POLR1A: variants seen among roughly 807,000 people sequenced by gnomAD.
POLR1A encodes the protein RNA polymerase I subunit A.
In POLR1A, 84 loss-of-function variants were observed where a neutral mutation model predicts 205.3. The ratio of observed to expected loss-of-function variants is 0.41; its 90% CI spans 0.34 to 0.49. The LOEUF (loss-of-function observed/expected upper bound fraction) is 0.49, where lower values mean the gene tolerates loss of function less well. Among genes scored for constraint, POLR1A ranks in the 20% least tolerant of loss-of-function variants. POLR1A has a pLI of 0.22. For missense variants in POLR1A, 1,645 were observed against 2,204.5 expected (o/e 0.75, Z 5.08); for synonymous variants, 799 against 863.7 (o/e 0.93, Z 1.31).
chr2:86,055,072 G>A (rs893814769), intron 14 of POLR1A, among the ~76,000 whole-genome samples: 3 of 152,170 alleles, frequency 2.0e-5, no homozygotes, highest in African/African-American at 7.2e-5. Context: ...TGAGACGGGT[G>A]GATCATGAGG....
chr2:86,039,379 A>T lies in POLR1A; in HGVS notation c.3824T>A (p.Leu1275Gln), dbSNP rs781408970. 4.3e-6 allele frequency: 7 copies of T among 1,613,854 alleles called. No homozygotes were observed. Among genetic ancestry groups the T allele is most frequent in the Non-Finnish European group, 5.9e-6 (7 of 1,179,984 alleles). ...SVPVLNTKKA[L>Q]KRVKSLKKQL... The stretch of plus-strand genomic sequence containing the variant: ...CTTCTTCAGGCTTTTCACTCTCTTC[A>T]GGGCTTTCTTGGTGTTGAGCACGGG... The change falls in exon 26 of 34, where the codon CTG becomes CAG. Residue 1275 changes from leucine (L) to glutamine (Q), a missense_variant. Physicochemically the swap from Leu to Gln is moderately radical, Grantham distance 113. Coordinates refer to ENST00000263857, the MANE Select transcript of POLR1A (RefSeq NM_015425.6).
intron 18 of POLR1A, among the ~76,000 whole-genome samples, chr2:86,047,745 C>T (rs1456793121): frequency 1.3e-5 from 2 of 152,210 alleles, no homozygotes; most frequent in Non-Finnish European, 2.9e-5. Flanking sequence ...TCTGTCTTGG[C>T]TCAAGAGCCA....
In POLR1A at chr2:86,041,977, T is replaced by C. The variant is rs1672618628; in HGVS notation, c.3484A>G (p.Thr1162Ala). ...TAGTCATCAACCTTTGTTTCAAATG[T>C]TTCTGACACTGATGCAAAGTAGATG... ...PDIYFASVSE[T>A]FETKVDDYSQ... is the part of the protein sequence containing the mutation. Residue 1162 changes from threonine to alanine, a missense_variant, in exon 24 of 34, where the codon ACA (threonine) becomes GCA (alanine). Thr to Ala is a moderately conservative substitution (Grantham distance 58). Coordinates refer to ENST00000263857, the MANE Select transcript of POLR1A (RefSeq NM_015425.6). 6.2e-7 allele frequency: 1 copy of C among 1,614,210 alleles called. No individual in the cohort carries two copies. Among genetic ancestry groups the C allele is most frequent in the Admixed American group, 1.7e-5 (1 of 60,032 alleles).
chr2:86,081,172 G>C (rs1159432864), intron 8 of POLR1A, among the ~76,000 whole-genome samples, 194 bp from the exon 9 acceptor site: 1 of 152,126 alleles, frequency 6.6e-6, no homozygotes, highest in Non-Finnish European at 1.5e-5. Context: ...ATGGCAGGTG[G>C]ATCACTGGAG....
intron 4 of POLR1A, among the ~76,000 whole-genome samples, chr2:86,089,221 C>T (rs1030501195): frequency 8.5e-5 from 13 of 152,252 alleles, no homozygotes; most frequent in Non-Finnish European, 1.8e-4. Context: ...CTGGATGCAG[C>T]TGGCCTGCCT....
chr2:86,054,293 C>T lies in POLR1A; in HGVS notation c.2059-4G>A. 6.2e-7 allele frequency: 1 copy of T among 1,612,018 alleles called. No homozygotes were observed. The highest frequency in any genetic ancestry group is 8.5e-7 in the Non-Finnish European group (1 of 1,179,130). ...TTATGAGCAGCGTTGACACAACCTG[C>T]AAAGAAAAAGAGGACAAACTGATGG... On this transcript the variant is annotated splice_region_variant and splice_polypyrimidine_tract_variant and intron_variant, in intron 14 of 33. Coordinates refer to ENST00000263857, the MANE Select transcript of POLR1A (RefSeq NM_015425.6).
intron 9 of POLR1A, among the ~76,000 whole-genome samples, chr2:86,078,779 A>G (rs1426232371): frequency 6.6e-6 from 1 of 152,264 alleles, no homozygotes; most frequent in Non-Finnish European, 1.5e-5. Context: ...ACGATATTCT[A>G]TGTCATCAAC....
In POLR1A at chr2:86,105,886, T is replaced by A; in HGVS notation, c.-110A>T. ...GTCACCACGCGATTCAACGTGCGCT[T>A]GCGCGCGGAAGCGGTCGCAGGAACG... On this transcript the variant is annotated 5_prime_UTR_variant, in exon 1 of 34. Coordinates refer to ENST00000263857, the MANE Select transcript of POLR1A (RefSeq NM_015425.6). The A allele has an allele frequency of 9.8e-7, 1 of 1,019,596 alleles. No homozygotes were observed. The highest frequency in any genetic ancestry group is 1.6e-5 in the African/African-American group (1 of 63,028). 63.2% of individuals were successfully genotyped at this position (1,019,596 alleles called of 1,614,324 possible).
intron 6 of POLR1A, among the ~76,000 whole-genome samples, chr2:86,083,369 A>G (rs971944281): frequency 6.6e-6 from 1 of 150,468 alleles, no homozygotes; most frequent in Admixed American, 6.6e-5. Flanking sequence ...CTATTGTATA[A>G]AACCTAAAAA....
chr2:86,031,268 C>T (rs1264035714), intron 30 of POLR1A, 62 bp downstream of exon 30: 1 of 1,504,934 alleles, frequency 6.6e-7, no homozygotes, highest in Admixed American at 2.3e-5. Context: ...AGGCCCCTTC[C>T]ACAGAGGGAT....
chr2:86,077,809 G>GCACACACACACACA (rs758996128), intron 11 of POLR1A, 50 bp downstream of exon 11: 1 of 1,205,276 alleles, frequency 8.3e-7, no homozygotes, highest in African/African-American at 1.6e-5. Flanking sequence ...GCACGCGCGC[G>GCACACACACACACA]CGCACACACA....
Position 86,045,296 on chromosome 2 carries a change from C to T in POLR1A, c.2951G>A (p.Arg984His), listed in dbSNP as rs1026743161. 5 of 1,612,320 alleles carry T rather than the reference C, an allele frequency of 3.1e-6. No individual in the cohort carries two copies. Among genetic ancestry groups the T allele is most frequent in the Non-Finnish European group, 4.2e-6 (5 of 1,178,332 alleles). Residue 984 changes from arginine to histidine, a missense_variant, in exon 21 of 34, where the codon CGC becomes CAC. By Grantham distance (29) the Arg-to-His change is conservative (BLOSUM62 0). Around this residue, in one of 16 missense-constraint regions of POLR1A, gnomAD observed 3 missense variants for 34.8 expected, o/e 0.09. Coordinates refer to ENST00000263857, the MANE Select transcript of POLR1A (RefSeq NM_015425.6). The stretch of plus-strand genomic sequence containing the variant: ...ATTTTACCTTTGGAGATAGCCTGAG[C>T]GGCTGGTTTTCACAGCAGTGTCCAC... ...GLVDTAVKTS[R>H]SGYLQRCIIK...
rs769611370 is a variant in POLR1A, at chr2:86,100,105, C to T, written c.145G>A (p.Gly49Ser). 11 of 1,614,026 alleles carry T rather than the reference C, an allele frequency of 6.8e-6. No individual in the cohort carries two copies. In the Middle Eastern group the frequency reaches 8.2e-4, roughly 121 times the overall value. ...GGGCCCAAAGCTAAATCGTACAGGCCGTTTGCCGATGGGTTCCCCAGGCTG... is the reference window on the plus strand; with the variant it reads ...GGGCCCAAAGCTAAATCGTACAGGCTGTTTGCCGATGGGTTCCCCAGGCTG... ...LDSLGNPSAN[G>S]LYDLALGPAD... is the part of the protein sequence containing the mutation. The change falls in exon 2 of 34, where the codon GGC (glycine) becomes AGC (serine). Residue 49 changes from glycine to serine, a missense_variant. By Grantham distance (56) the Gly-to-Ser change is moderately conservative (BLOSUM62 0). Coordinates refer to ENST00000263857, the MANE Select transcript of POLR1A (RefSeq NM_015425.6).
intron 16 of POLR1A, among the ~76,000 whole-genome samples, chr2:86,050,080 G>A (rs1009189606): frequency 6.6e-6 from 1 of 152,040 alleles, no homozygotes; most frequent in African/African-American, 2.4e-5. Flanking sequence ...ACCACACCCA[G>A]CTAATTTTTG....
rs991435080 is a variant in POLR1A, at chr2:86,044,256, C to T, written c.3018G>A (p.Thr1006=). The change falls in exon 22 of 34, where the codon ACG becomes ACA. Residue 1006 remains threonine, a synonymous_variant. Transcript: ENST00000263857. The part of the protein sequence containing the change: ...LEGLVVQYDL[T]VRDSDGSVVQ... ...CCACACTGCCGTCACTGTCACGGACCGTGAGATCATACTGCACGACCAGCC... is the reference window on the plus strand; with the variant it reads ...CCACACTGCCGTCACTGTCACGGACTGTGAGATCATACTGCACGACCAGCC... 1.5e-5 allele frequency: 24 copies of T among 1,614,132 alleles called. No individual in the cohort carries two copies. The highest frequency in any genetic ancestry group is 1.3e-4 in the Admixed American group (8 of 60,022).
Position 86,100,058 on chromosome 2 carries a change from G to A in POLR1A, c.192C>T (p.Cys64=). 5.0e-6 allele frequency: 8 copies of A among 1,614,164 alleles called. No individual in the cohort carries two copies. Among genetic ancestry groups the A allele is most frequent in the Non-Finnish European group, 6.8e-6 (8 of 1,179,980 alleles). The part of the protein sequence containing the change: ...ALGPADSKEV[C]STCVQDFSNC... ...TGCTGAAGTCCTGCACGCAGGTGGA[G>A]CACACCTCTTTGGAATCTGCAGGGC... Residue 64 remains cysteine, a synonymous_variant, in exon 2 of 34, where the codon TGC becomes TGT. Transcript: ENST00000263857.
intron 11 of POLR1A, 137 bp from the exon 12 acceptor site, chr2:86,075,397 G>A (rs1304986919): frequency 9.2e-6 from 6 of 649,100 alleles, no homozygotes; most frequent in African/African-American, 1.8e-5. Flanking sequence ...AGGTCTTCCA[G>A]TGAGCAAAGT....
intron 3 of POLR1A, among the ~76,000 whole-genome samples, chr2:86,096,162 A>G (rs1001262922): frequency 2.6e-5 from 4 of 152,176 alleles, no homozygotes; most frequent in Admixed American, 6.6e-5. Context: ...GCTGAAAAAG[A>G]AATCAAGAAG....
intron 6 of POLR1A, among the ~76,000 whole-genome samples, chr2:86,087,424 T>C (rs555105695): frequency 2.0e-5 from 3 of 152,154 alleles, no homozygotes; most frequent in Non-Finnish European, 4.4e-5. Flanking sequence ...CTTCCTCAAT[T>C]CTAGGCAAGA....
Sources: gnomAD v4.1 joint callset for allele counts (sites outside exome capture counted in the v4.1 genomes callset) on GRCh38, gnomAD v4.1.1 for gene constraint, gnomAD v4.1.1 regional missense constraint, MANE v1.5 for transcripts, NCBI Gene and HGNC (gene_info 2026-07-23, HGNC 2026-07-21) for gene names.